The following ICE1 variants were observed in gnomAD, a reference collection of about 807,000 sequenced individuals.
ICE1 encodes little elongation complex subunit 1.
ICE1 carries 64 observed loss-of-function variants against 192.7 expected under a neutral mutation model. That is an observed-to-expected ratio of 0.33 (90% CI 0.27 to 0.41). The LOEUF is 0.41. Ranked by LOEUF, ICE1 falls within the 10% of genes least tolerant of loss-of-function variation. The pLI, the probability that ICE1 is intolerant of heterozygous loss-of-function variation, is 1.00. For missense variants in ICE1, 2,708 were observed against 2,696.0 expected (o/e 1.00, Z -0.10); for synonymous variants, 1,010 against 984.5 (o/e 1.03, Z -0.49).
At chr5:5,432,006 A>C (rs1225256122) in intron 1 of ICE1, among the ~76,000 whole-genome samples, 1 of 151,788 alleles carries the variant, frequency 6.6e-6, no homozygotes, top group African/African-American at 2.4e-5. Context: ...TTTATGGTCA[A>C]ATATTTTGAG....
Position 5,462,773 on chromosome 5 carries a change from T to G in ICE1, c.3439T>G (p.Leu1147Val). ...TGCTGTAGCCGAGGTGAGACCTTCC[T>G]TAGAGGTAGGTTATTTGACGTCAGC... Reference protein sequence around the residue: ...DAAVAEVRPSLEVGYLTSALQ... With the variant: ...DAAVAEVRPSVEVGYLTSALQ... The change falls in exon 13 of 19, where the codon TTA (leucine) becomes GTA (valine). Residue 1147 changes from leucine to valine, a missense_variant. Physicochemically the swap from Leu to Val is conservative, Grantham distance 32 (BLOSUM62 1). This residue lies in a region of ICE1 where 2,366 missense variants were observed against 2,276.6 expected (regional missense o/e 1.04). Coordinates refer to ENST00000296564, the MANE Select transcript of ICE1 (RefSeq NM_015325.3). 2.5e-6 allele frequency: 4 copies of G among 1,613,670 alleles called. No homozygotes were observed. The highest frequency in any genetic ancestry group is 2.5e-6 in the Non-Finnish European group (3 of 1,179,748).
rs760496064 is a variant in ICE1, at chr5:5,440,873, C to G, written c.198-239C>G. Among the ~76,000 whole-genome samples the G allele has an allele frequency of 3.6e-4, 55 of 150,974 alleles. 1 individual carries two copies. The highest frequency in any genetic ancestry group is 7.4e-4 in the Non-Finnish European group (50 of 67,858). Reference sequence around the variant, plus strand: ...CTATACTCCAGCCATTATATTCCAGCCCAGGAGACAGAGTGAGACCCTGAC... The same window carrying G: ...CTATACTCCAGCCATTATATTCCAGGCCAGGAGACAGAGTGAGACCCTGAC... On this transcript the variant is annotated intron_variant, in intron 4 of 18. Coordinates refer to ENST00000296564, the MANE Select transcript of ICE1 (RefSeq NM_015325.3).
At chr5:5,482,182 A>T (rs1019103887) in intron 17 of ICE1, among the ~76,000 whole-genome samples, 8 of 152,336 alleles carry the variant, frequency 5.3e-5, no homozygotes, top group African/African-American at 1.7e-4. Flanking sequence ...TTTTGTTCAA[A>T]TCAAGTCTAG....
In ICE1 at chr5:5,461,827, A is replaced by C; in HGVS notation, c.2493A>C (p.Pro831=). ...KAMPFLQNRG[P]TPKPDLLREN... is the part of the protein sequence containing the mutation. ...TGCCATTCCTACAAAATAGAGGACC[A>C]ACACCCAAGCCTGATCTTCTTAGAG... The change falls in exon 13 of 19, where the codon CCA becomes CCC. Residue 831 remains proline (P), a synonymous_variant. Transcript: ENST00000296564. 6.2e-7 allele frequency: 1 copy of C among 1,614,038 alleles called. No individual in the cohort carries two copies. Among genetic ancestry groups the C allele is most frequent in the South Asian group, 1.1e-5 (1 of 91,088 alleles).
intron 15 of ICE1, among the ~76,000 whole-genome samples, chr5:5,471,864 T>C (rs1369780435): frequency 2.6e-5 from 4 of 152,182 alleles, no homozygotes; most frequent in African/African-American, 9.6e-5. Context: ...AGGTGGTTCC[T>C]CCTCCAACTT....
chr5:5,442,434 A>G (rs958682420), intron 5 of ICE1, among the ~76,000 whole-genome samples: 4 of 152,260 alleles, frequency 2.6e-5, no homozygotes, highest in African/African-American at 9.6e-5. Context: ...TGTCAAAGTT[A>G]AACAGAAACA....
rs1005089273 is a variant in ICE1 at position 5,463,543 on chromosome 5, A to G, written c.4209A>G (p.Ser1403=). ...AGTGTCAGATAGCAACAGTGACCTC[A>G]GAAGTTATAAACGTACTTATAAATA... ...TFQCQIATVT[S]EVINVLINKD... The change falls in exon 13 of 19, where the codon TCA becomes TCG. Residue 1403 remains serine, a synonymous_variant. Coordinates refer to ENST00000296564, the MANE Select transcript of ICE1 (RefSeq NM_015325.3). 4 of 1,613,892 alleles carry G rather than the reference A, an allele frequency of 2.5e-6. No individual in the cohort carries two copies. The highest frequency in any genetic ancestry group is 2.5e-6 in the Non-Finnish European group (3 of 1,179,816).
chr5:5,465,072 A>C lies in ICE1; in HGVS notation c.5738A>C (p.Lys1913Thr), dbSNP rs774625892. The change falls in exon 13 of 19, where the codon AAA becomes ACA. Residue 1913 changes from lysine (K) to threonine (T), a missense_variant. This residue lies in a region of ICE1 where 2,366 missense variants were observed against 2,276.6 expected (regional missense o/e 1.04). Transcript: ENST00000296564. ...AAAGAAACTGTGGAGTCCCATGATA[A>C]AGCCATAGCTAATGCCCTGAAGAAA... Reference protein sequence around the residue: ...SPKETVESHDKAIANALKKIA... With the variant: ...SPKETVESHDTAIANALKKIA... 2.5e-6 allele frequency: 4 copies of C among 1,613,794 alleles called. No homozygotes were observed. In the Admixed American group the frequency reaches 6.7e-5, roughly 27 times the overall value.
intron 3 of ICE1, among the ~76,000 whole-genome samples, chr5:5,439,555 T>A (rs2111345493): frequency 6.6e-6 from 1 of 152,318 alleles, no homozygotes. Context: ...AAGGACAGGT[T>A]GTTTGGGGAT....
At chr5:5,448,804 C>CTT (rs1255778774) in intron 10 of ICE1, among the ~76,000 whole-genome samples, 2 of 151,976 alleles carry the variant, frequency 1.3e-5, no homozygotes, top group Non-Finnish European at 2.9e-5. Context: ...TGGTGTAAGG[C>CTT]TTTAACAGTT....
At chr5:5,441,272 G>A in intron 5 of ICE1, 49 bp downstream of exon 5, 1 of 1,199,028 alleles carries the variant, frequency 8.3e-7, no homozygotes, top group Non-Finnish European at 1.2e-6. Flanking sequence ...AAATTAGGAT[G>A]AGCTTATTCG....
At chr5:5,448,623 T>C (rs542029294) in intron 10 of ICE1, among the ~76,000 whole-genome samples, 6 of 152,266 alleles carry the variant, frequency 3.9e-5, no homozygotes, top group African/African-American at 1.4e-4. Flanking sequence ...AAATGTTTAA[T>C]TAGTAAATAA....
At position 5,462,090 on chromosome 5, in the gene ICE1, C is replaced by G; in HGVS notation, c.2756C>G (p.Ala919Gly). 6.2e-7 allele frequency: 1 copy of G among 1,613,852 alleles called. No homozygotes were observed. The highest frequency in any genetic ancestry group is 8.5e-7 in the Non-Finnish European group (1 of 1,179,802). Residue 919 changes from alanine (A) to glycine (G), a missense_variant, in exon 13 of 19, where the codon GCT (alanine) becomes GGT (glycine). By Grantham distance (60) the Ala-to-Gly change is moderately conservative. Transcript: ENST00000296564. ...DDTTQNITEVAAVKSISPEVS... is the reference protein window; with the variant it reads ...DDTTQNITEVGAVKSISPEVS... Reference sequence around the variant, plus strand: ...ACAACACAAAACATCACGGAGGTGGCTGCTGTGAAAAGCATTTCACCAGAA... The same window carrying G: ...ACAACACAAAACATCACGGAGGTGGGTGCTGTGAAAAGCATTTCACCAGAA...
At chr5:5,470,098 C>G (rs1739114622) in intron 15 of ICE1, among the ~76,000 whole-genome samples, 1 of 152,108 alleles carries the variant, frequency 6.6e-6, no homozygotes, top group Non-Finnish European at 1.5e-5. Context: ...CAGAGAGTTA[C>G]CTGCCTCGAG....
At chr5:5,473,528 G>A in intron 15 of ICE1, 30 bp from the exon 16 acceptor site, 1 of 1,582,964 alleles carries the variant, frequency 6.3e-7, no homozygotes, top group Non-Finnish European at 8.6e-7. Flanking sequence ...TGAAACTCCA[G>A]ATTTTATTTT....
intron 17 of ICE1, among the ~76,000 whole-genome samples, chr5:5,480,874 T>C (rs1221712236): frequency 6.6e-6 from 1 of 152,100 alleles, no homozygotes; most frequent in Non-Finnish European, 1.5e-5. Context: ...AGACTATGAA[T>C]TTGGTAGAGA....
intron 7 of ICE1, among the ~76,000 whole-genome samples, chr5:5,445,115 C>T (rs1579549053): frequency 6.6e-6 from 1 of 152,318 alleles, no homozygotes; most frequent in Middle Eastern, 3.4e-3. Flanking sequence ...TGCTCTACTT[C>T]AGAGATGGTT....
At chr5:5,476,539 T>TG in intron 17 of ICE1, among the ~76,000 whole-genome samples, 1 of 152,232 alleles carries the variant, frequency 6.6e-6, no homozygotes. Flanking sequence ...GCTTGGCTCG[T>TG]GGGGAAGCCT....
chr5:5,427,938 A>C (rs574784327), intron 1 of ICE1, among the ~76,000 whole-genome samples: 115 of 152,286 alleles, frequency 7.6e-4, no homozygotes, highest in African/African-American at 2.7e-3. Context: ...GGACAGTTAT[A>C]TAGGAATTGT....
Sources: gnomAD v4.1 joint callset for allele counts (sites outside exome capture counted in the v4.1 genomes callset) on GRCh38, gnomAD v4.1.1 for gene constraint, gnomAD v4.1.1 regional missense constraint, MANE v1.5 for transcripts, NCBI Gene and HGNC (gene_info 2026-07-23, HGNC 2026-07-21) for gene names.